Variants in TIAM2 observed in about 807,000 individuals in gnomAD.
TIAM2 encodes the protein TIAM Rac1 associated GEF 2, also known as rho guanine nucleotide exchange factor TIAM2.
TIAM2 carries 80 observed loss-of-function variants against 152.9 expected under a neutral mutation model. The ratio of observed to expected loss-of-function variants is 0.52; its 90% CI spans 0.44 to 0.63. TIAM2 has a LOEUF of 0.63. Among genes scored for constraint, TIAM2 ranks in the 30% least tolerant of loss-of-function variants. TIAM2 has a pLI of 0.00. For synonymous variants in TIAM2, 804 were observed against 838.0 expected (o/e 0.96, Z 0.70); for missense variants, 1,965 against 2,120.1 (o/e 0.93, Z 1.44).
At chr6:155,216,817 T>C (rs74349142) in intron 15 of TIAM2, 51 of 966,430 alleles carry the variant, frequency 5.3e-5, no homozygotes, top group Non-Finnish European at 6.6e-5. Flanking sequence ...ACCCGGTGCC[T>C]TTCTAGAGCA....
intron 1 of TIAM2, among the ~76,000 whole-genome samples, chr6:155,013,128 C>T (rs1305207480): frequency 1.3e-5 from 2 of 152,092 alleles, no homozygotes; most frequent in African/African-American, 4.8e-5. Flanking sequence ...CTAACTGGGG[C>T]TGGAGGACCC....
At chr6:155,076,075 A>T (rs934965559) in intron 1 of TIAM2, among the ~76,000 whole-genome samples, 3 of 152,164 alleles carry the variant, frequency 2.0e-5, no homozygotes. Context: ...CTGCATTTTG[A>T]CTGTGACCTG....
intron 5 of TIAM2, among the ~76,000 whole-genome samples, chr6:155,144,005 A>G (rs1779768821): frequency 6.6e-6 from 1 of 152,154 alleles, no homozygotes; most frequent in South Asian, 2.1e-4. Context: ...ACCTTATCTT[A>G]TGTAAAGTGC....
At chr6:155,047,688 G>GAGAGAGGAGAGAGAGAGA (rs71023609) in intron 1 of TIAM2, among the ~76,000 whole-genome samples, 1 of 44,682 alleles carries the variant, frequency 2.2e-5, no homozygotes, top group Non-Finnish European at 5.0e-5. Context: ...GAGAGAGAGA[G>GAGAGAGGAGAGAGAGAGA]GAGAGAGAGA....
intron 1 of TIAM2, among the ~76,000 whole-genome samples, chr6:155,077,913 C>G (rs550493043): frequency 6.6e-6 from 1 of 152,302 alleles, no homozygotes; most frequent in East Asian, 1.9e-4. Context: ...GCTCTTTCTA[C>G]TTTGAAAACA....
chr6:155,042,872 C>G (rs1250045228), intron 1 of TIAM2, among the ~76,000 whole-genome samples: 3 of 152,120 alleles, frequency 2.0e-5, no homozygotes, highest in Non-Finnish European at 2.9e-5. Context: ...ACTTACTCCT[C>G]CCGTCTAATT....
At chr6:155,178,069 G>A (rs1780797081) in intron 10 of TIAM2, among the ~76,000 whole-genome samples, 1 of 151,536 alleles carries the variant, frequency 6.6e-6, no homozygotes, top group South Asian at 2.1e-4. Context: ...GCAGAGGCAG[G>A]AGAATGGCGT....
chr6:155,141,922 A>G (rs915887189), intron 5 of TIAM2, among the ~76,000 whole-genome samples: 5 of 152,114 alleles, frequency 3.3e-5, no homozygotes, highest in African/African-American at 1.2e-4. Flanking sequence ...TTGTACTGCC[A>G]TTGCTATGCC....
intron 2 of TIAM2, among the ~76,000 whole-genome samples, chr6:155,108,892 T>C (rs1043507171): frequency 1.3e-5 from 2 of 152,226 alleles, no homozygotes; most frequent in African/African-American, 4.8e-5. Context: ...TTACTATATG[T>C]GTATGTGCCT....
intron 9 of TIAM2, 108 bp from the exon 10 acceptor site, chr6:155,176,708 G>A: frequency 8.4e-7 from 1 of 1,191,914 alleles, no homozygotes; most frequent in Non-Finnish European, 1.2e-6. Flanking sequence ...TGTGAAGCGT[G>A]TGAGCGTTTA....
At chr6:155,246,296 C>T (rs1055307605) in intron 19 of TIAM2, among the ~76,000 whole-genome samples, 3 of 152,058 alleles carry the variant, frequency 2.0e-5, no homozygotes, top group African/African-American at 2.4e-5. Flanking sequence ...ACGGATGCAG[C>T]TCTGCCATTG....
At position 155,224,110 on chromosome 6, in the gene TIAM2, A is replaced by G. The variant is rs1008031979; in HGVS notation, c.3168+12803A>G. On this transcript the variant is annotated intron_variant, in intron 15 of 26. Transcript: ENST00000682666. ...ATCGTCACCTGGCTGCCTTCTGTCAATATTCTTGCGTAGAGATTGTAGTCC... is the reference window on the plus strand; with the variant it reads ...ATCGTCACCTGGCTGCCTTCTGTCAGTATTCTTGCGTAGAGATTGTAGTCC... 1.2e-4 allele frequency among the ~76,000 whole-genome samples: 18 copies of G among 151,972 alleles called. 1 individual carries two copies. The highest frequency in any genetic ancestry group is 9.8e-4 in the Admixed American group (15 of 15,268).
intron 1 of TIAM2, among the ~76,000 whole-genome samples, chr6:155,039,471 T>C (rs557648245): frequency 6.6e-6 from 1 of 151,982 alleles, no homozygotes; most frequent in African/African-American, 2.4e-5. Flanking sequence ...GGGGAGGAGG[T>C]GGCCTCCTGA....
intron 14 of TIAM2, among the ~76,000 whole-genome samples, chr6:155,199,131 A>G (rs142293166): frequency 6.6e-6 from 1 of 152,152 alleles, no homozygotes; most frequent in African/African-American, 2.4e-5. Flanking sequence ...CACCCAGGCA[A>G]ATGGTGCGAT....
intron 14 of TIAM2, among the ~76,000 whole-genome samples, chr6:155,201,012 GT>G (rs1294297821): frequency 1.3e-5 from 2 of 152,170 alleles, no homozygotes; most frequent in African/African-American, 4.8e-5. Context: ...TCTACTTTCT[GT>G]TTCTATGGAT....
In TIAM2 at chr6:155,148,245, A is replaced by G. The variant is rs1049412819; in HGVS notation, c.1939A>G (p.Ile647Val). 6.8e-6 allele frequency: 11 copies of G among 1,612,846 alleles called. No homozygotes were observed. Among genetic ancestry groups the G allele is most frequent in the African/African-American group, 1.3e-5 (1 of 75,022 alleles). Residue 647 changes from isoleucine to valine, a missense_variant, in exon 7 of 27, where the codon ATA becomes GTA. By Grantham distance (29) the Ile-to-Val change is conservative (BLOSUM62 3). Transcript: ENST00000682666. ...KNQTKNLLQK[I>V]DMDSKMKKMA... is the part of the protein sequence containing the mutation. ...CCAGACCAAAAACCTGCTTCAGAAG[A>G]TAGACATGGACAGCAAGATGAAGAA... is the stretch of plus-strand genomic sequence containing the variant.
chr6:155,168,929 A>G (rs1780508355), intron 9 of TIAM2: 5 of 1,525,722 alleles, frequency 3.3e-6, no homozygotes, highest in Admixed American at 2.1e-5. Context: ...AAACTTTGCT[A>G]TAGATGGCCG....
chr6:155,201,208 CACTT>C (rs1781465620), intron 14 of TIAM2, among the ~76,000 whole-genome samples: 1 of 152,306 alleles, frequency 6.6e-6, no homozygotes, highest in South Asian at 2.1e-4. Context: ...AGAACCGTAG[CACTT>C]ACTGAAAAGT....
intron 2 of TIAM2, among the ~76,000 whole-genome samples, chr6:155,104,068 C>CCA (rs1438619162): frequency 7.5e-6 from 1 of 133,894 alleles, no homozygotes; most frequent in Non-Finnish European, 1.6e-5. Flanking sequence ...CCACACACCC[C>CCA]CACACACCAA....
Sources: gnomAD v4.1 joint callset for allele counts (sites outside exome capture counted in the v4.1 genomes callset) on GRCh38, gnomAD v4.1.1 for gene constraint, MANE v1.5 for transcripts, NCBI Gene and HGNC (gene_info 2026-07-23, HGNC 2026-07-21) for gene names.